The following PTPRD variants were observed in gnomAD, a reference collection of about 807,000 sequenced individuals.
PTPRD encodes protein tyrosine phosphatase receptor type D, also known as receptor-type tyrosine-protein phosphatase delta.
PTPRD carries 34 observed loss-of-function variants against 214.5 expected under a neutral mutation model. That is an observed-to-expected ratio of 0.16 (90% CI 0.12 to 0.21). PTPRD has a LOEUF of 0.21. Ranked by LOEUF, PTPRD falls within the 10% of genes least tolerant of loss-of-function variation. The probability of loss-of-function intolerance (pLI) is 1.00; values close to 1 mark genes in which losing one functional copy is unlikely to be tolerated. For missense variants in PTPRD, 2,545 were observed against 2,398.7 expected, an observed-to-expected ratio of 1.06 and a Z score of -1.27; for synonymous variants, 1,128 against 845.7, an observed-to-expected ratio of 1.33 and a Z score of -5.79.
At chr9:8,489,927 T>C (rs995153491) in intron 27 of PTPRD, among the ~76,000 whole-genome samples, 6 of 152,228 alleles carry the variant, frequency 3.9e-5, no homozygotes, top group African/African-American at 1.2e-4. Flanking sequence ...TAAAGACGGA[T>C]GCAGCAGGGT....
intron 2 of PTPRD, among the ~76,000 whole-genome samples, chr9:10,483,011 G>T (rs2099110462): frequency 6.6e-6 from 1 of 152,210 alleles, no homozygotes; most frequent in Non-Finnish European, 1.5e-5. Context: ...AAATCTGGAG[G>T]CATCGTATGA....
chr9:8,657,269 G>T (rs1169294966), intron 12 of PTPRD, among the ~76,000 whole-genome samples: 1 of 150,156 alleles, frequency 6.7e-6, no homozygotes, highest in Admixed American at 6.7e-5. Flanking sequence ...CCGGGTTCAA[G>T]TGATTCTCTT....
At chr9:9,549,804 T>C (rs1423029193) in intron 8 of PTPRD, among the ~76,000 whole-genome samples, 1 of 152,036 alleles carries the variant, frequency 6.6e-6, no homozygotes, top group Admixed American at 6.6e-5. Flanking sequence ...AAGAATAGTC[T>C]TAAATACAAA....
chr9:8,872,271 T>C (rs1001679696), intron 11 of PTPRD, among the ~76,000 whole-genome samples: 2 of 152,178 alleles, frequency 1.3e-5, no homozygotes, highest in Non-Finnish European at 2.9e-5. Flanking sequence ...ATCTTTGTGC[T>C]AGCAGAGAGA....
In PTPRD at chr9:8,543,873, G is replaced by A. The variant is rs139452908; in HGVS notation, c.353-15094C>T. 1.2e-3 allele frequency among the ~76,000 whole-genome samples: 179 copies of A among 151,806 alleles called. 1 individual carries two copies. Among genetic ancestry groups the A allele is most frequent in the African/African-American group, 4.0e-3 (165 of 41,394 alleles). ...ACTACAGCTGCGTGCCACAACACCC[G>A]GCTAATTTTTCTATTTTTAGTAGAG... is the stretch of plus-strand genomic sequence containing the variant. On this transcript the variant is annotated intron_variant, in intron 14 of 45. Transcript: ENST00000381196.
chr9:10,361,438 G>C (rs10756030), intron 2 of PTPRD, among the ~76,000 whole-genome samples: 66,402 of 151,924 alleles, frequency 0.44, 15,811 homozygotes, highest in East Asian at 0.72. Context: ...GGGTACAGGG[G>C]TAAGTTACAA....
In PTPRD at chr9:8,465,428, C is replaced by T. The variant is rs147224427; in HGVS notation, c.3714+38G>A. On this transcript the variant is annotated intron_variant, in intron 32 of 45. Coordinates refer to ENST00000381196, the MANE Select transcript of PTPRD (RefSeq NM_002839.4). Reference sequence around the variant, plus strand: ...CCACATTCCAGTGAAAATGTATAAGCGTACCATAGGAAACAGATGCCATCA... The same window carrying T: ...CCACATTCCAGTGAAAATGTATAAGTGTACCATAGGAAACAGATGCCATCA... The T allele has an allele frequency of 2.6e-4, 415 of 1,567,298 alleles. 1 individual carries two copies. The African/African-American group carries it at 4.6e-3, about 17-fold the overall frequency.
At chr9:8,854,335 C>T (rs2097873811) in intron 11 of PTPRD, among the ~76,000 whole-genome samples, 1 of 152,092 alleles carries the variant, frequency 6.6e-6, no homozygotes, top group East Asian at 1.9e-4. Context: ...AAAAGGTAAA[C>T]TAAGGAAGGA....
intron 36 of PTPRD, among the ~76,000 whole-genome samples, chr9:8,403,314 T>C (rs963743100): frequency 2.6e-4 from 39 of 152,224 alleles, no homozygotes; most frequent in Admixed American, 3.3e-4. Flanking sequence ...GAAGCTACTA[T>C]AATTTATTTG....
At chr9:9,063,527 C>A (rs1376238077) in intron 10 of PTPRD, among the ~76,000 whole-genome samples, 6 of 152,224 alleles carry the variant, frequency 3.9e-5, no homozygotes, top group African/African-American at 9.6e-5. Context: ...TCACTATAAT[C>A]TGTAATTTTA....
chr9:9,493,091 A>T (rs1169557305), intron 8 of PTPRD, among the ~76,000 whole-genome samples: 1 of 151,500 alleles, frequency 6.6e-6, no homozygotes, highest in Admixed American at 6.6e-5. Flanking sequence ...TAACCCTAAA[A>T]GGCCTCTAAG....
At chr9:9,595,874 T>C (rs2093309449) in intron 7 of PTPRD, among the ~76,000 whole-genome samples, 1 of 151,780 alleles carries the variant, frequency 6.6e-6, no homozygotes, top group Non-Finnish European at 1.5e-5. Flanking sequence ...TACACCAAAA[T>C]TTCACAAATC....
At chr9:9,595,142 T>C (rs1044773130) in intron 7 of PTPRD, among the ~76,000 whole-genome samples, 1 of 151,612 alleles carries the variant, frequency 6.6e-6, no homozygotes, top group Non-Finnish European at 1.5e-5. Flanking sequence ...CTGATGGGAA[T>C]GTAAACCAGT....
At chr9:10,102,043 T>C (rs1285647630) in intron 3 of PTPRD, among the ~76,000 whole-genome samples, 4 of 151,772 alleles carry the variant, frequency 2.6e-5, no homozygotes, top group African/African-American at 4.8e-5. Context: ...TATTTTAATG[T>C]TGATTAATCA....
chr9:9,809,751 A>G (rs993030672), intron 5 of PTPRD, among the ~76,000 whole-genome samples: 1 of 152,218 alleles, frequency 6.6e-6, no homozygotes, highest in Non-Finnish European at 1.5e-5. Flanking sequence ...ACTGACATTC[A>G]GAATGTGTCT....
chr9:9,464,167 G>A (rs1258495814), intron 8 of PTPRD, among the ~76,000 whole-genome samples: 3 of 152,112 alleles, frequency 2.0e-5, no homozygotes, highest in Admixed American at 2.0e-4. Flanking sequence ...TTGTCTAGAT[G>A]ATTTGCTTTC....
At chr9:8,503,840 C>T (rs1281551882) in intron 23 of PTPRD, among the ~76,000 whole-genome samples, 1 of 152,158 alleles carries the variant, frequency 6.6e-6, no homozygotes, top group Non-Finnish European at 1.5e-5. Context: ...GATTGCAAAG[C>T]TAAAGCCTGT....
chr9:10,200,348 T>C (rs542199907), intron 3 of PTPRD, among the ~76,000 whole-genome samples: 1 of 152,102 alleles, frequency 6.6e-6, no homozygotes, highest in African/African-American at 2.4e-5. Context: ...TTTGGTAATA[T>C]GTGCAGACTT....
chr9:8,514,804 A>T (rs926338661), intron 21 of PTPRD, among the ~76,000 whole-genome samples: 4 of 152,116 alleles, frequency 2.6e-5, no homozygotes, highest in Non-Finnish European at 5.9e-5. Flanking sequence ...ATCTCTTCTC[A>T]AACTGTAATC....
Sources: gnomAD v4.1 joint callset for allele counts (sites outside exome capture counted in the v4.1 genomes callset) on GRCh38, gnomAD v4.1.1 for gene constraint, MANE v1.5 for transcripts, NCBI Gene and HGNC (gene_info 2026-07-23, HGNC 2026-07-21) for gene names.